The following DNM1L variants were observed in gnomAD, a reference collection of about 807,000 sequenced individuals.
DNM1L encodes dynamin-1-like protein.
A neutral mutation model predicts 92.8 loss-of-function variants in DNM1L; 33 were observed. That is an observed-to-expected ratio of 0.36 (90% CI 0.27 to 0.48). The LOEUF (loss-of-function observed/expected upper bound fraction) is 0.48, where lower values mean the gene tolerates loss of function less well. Ranked by LOEUF, DNM1L falls within the 20% of genes least tolerant of loss-of-function variation. The pLI, the probability that DNM1L is intolerant of heterozygous loss-of-function variation, is 0.99. For missense variants in DNM1L, 485 were observed against 888.8 expected (o/e 0.55, Z 5.78); for synonymous variants, 284 against 305.0 (o/e 0.93, Z 0.72).
At chr12:32,734,970 T>C (rs977829078) in intron 13 of DNM1L, among the ~76,000 whole-genome samples, 1 of 152,166 alleles carries the variant, frequency 6.6e-6, no homozygotes, top group Non-Finnish European at 1.5e-5. Context: ...CAGAAAAAAT[T>C]CCAAAATGCA....
chr12:32,745,079 AC>A lies in DNM1L; in HGVS notation c.*1674del, dbSNP rs1955566937. 1 of 487,766 alleles carries A rather than the reference AC, an allele frequency of 2.1e-6. No homozygotes were observed. The allele number at this position is 487,766 out of a possible 1,614,324, so 30.2% of individuals were successfully genotyped here. On this transcript the variant is annotated 3_prime_UTR_variant, in exon 20 of 20. Transcript: ENST00000549701. ...TCACCAACTGATGTCAAACATAAAA[AC>A]CCCCACATCAGTCTGATACGATATG...
chr12:32,681,608 C>G (rs996882467), intron 1 of DNM1L, among the ~76,000 whole-genome samples: 1 of 149,240 alleles, frequency 6.7e-6, no homozygotes, highest in Non-Finnish European at 1.5e-5. Flanking sequence ...CCCCCCGCCC[C>G]CGCCTTTTTT....
chr12:32,718,750 G>T lies in DNM1L; in HGVS notation c.727G>T (p.Gly243Ter). Residue 243 changes from glycine (G) to a stop codon, truncating the protein, a stop_gained, in exon 7 of 20, where the codon GGA (glycine) becomes TGA (stop). Coordinates refer to ENST00000549701, the MANE Select transcript of DNM1L (RefSeq NM_012062.5). LOFTEE classifies it high-confidence loss of function. ...TATTCCAGTCAAACTTGGAATAATT[G>T]GAGTAGTTAACAGGTTAGCAGTTAG... ...RVIPVKLGII[G>*]VVNRSQLDIN... 1 of 1,613,780 alleles carries T rather than the reference G, an allele frequency of 6.2e-7. No individual in the cohort carries two copies. The highest frequency in any genetic ancestry group is 8.5e-7 in the Non-Finnish European group (1 of 1,179,826).
rs1951713702 is a variant in DNM1L at position 32,679,381 on chromosome 12, T to C, written c.18T>C (p.Pro6=). The stretch of plus-strand genomic sequence containing the variant: ...TCAGAGTCATGGAGGCGCTAATTCC[T>C]GTCATAAACAAGCTCCAGGACGTCT... The part of the protein sequence containing the change: MEALI[P]VINKLQDVFN... Residue 6 remains proline (P), a synonymous_variant, in exon 1 of 20, where the codon CCT becomes CCC. Coordinates refer to ENST00000549701, the MANE Select transcript of DNM1L (RefSeq NM_012062.5). 3 of 1,613,572 alleles carry C rather than the reference T, an allele frequency of 1.9e-6. No homozygotes were observed. In the African/African-American group the frequency reaches 4.0e-5, roughly 22 times the overall value.
At chr12:32,692,124 CTTT>C (rs971985652) in intron 1 of DNM1L, among the ~76,000 whole-genome samples, 11 of 151,964 alleles carry the variant, frequency 7.2e-5, no homozygotes, top group African/African-American at 2.7e-4. Flanking sequence ...ACCATTTTCT[CTTT>C]TTTTCTTTTT....
chr12:32,715,864 T>C (rs890480337), intron 6 of DNM1L, among the ~76,000 whole-genome samples: 4 of 152,210 alleles, frequency 2.6e-5, no homozygotes, highest in Non-Finnish European at 5.9e-5. Context: ...CAGTTTCTTA[T>C]AAAGTTAAAT....
rs978570696 is a variant in DNM1L at position 32,731,222 on chromosome 12, TAC to T, written c.1200+90_1200+91del. 13 of 1,593,730 alleles carry T rather than the reference TAC, an allele frequency of 8.2e-6. No homozygotes were observed. The highest frequency in any genetic ancestry group is 4.5e-5 in the East Asian group (2 of 44,726). On this transcript the variant is annotated intron_variant, in intron 10 of 19. Coordinates refer to ENST00000549701, the MANE Select transcript of DNM1L (RefSeq NM_012062.5). This position sits in a 1 kb window ranked among gnomAD's most constrained non-coding sequence, Gnocchi z 5.1. ...TACTGTGTCTTTTTAAATTTAATTA[TAC>T]AGTTTATTTTGCTCTCATATTTGAA...
At chr12:32,709,961 T>G (rs1953062901) in intron 4 of DNM1L, among the ~76,000 whole-genome samples, 1 of 152,300 alleles carries the variant, frequency 6.6e-6, no homozygotes, top group African/African-American at 2.4e-5. Flanking sequence ...ATTAGAATTT[T>G]CAGTGGGCTA....
intron 16 of DNM1L, among the ~76,000 whole-genome samples, chr12:32,739,545 C>T (rs1454189626): frequency 6.6e-6 from 1 of 152,160 alleles, no homozygotes; most frequent in Non-Finnish European, 1.5e-5. Context: ...TTAAAGAGTT[C>T]TTACTTATAC....
intron 9 of DNM1L, among the ~76,000 whole-genome samples, chr12:32,724,594 ATATATAT>A (rs372737436): frequency 1.7e-3 from 77 of 44,336 alleles, no homozygotes; most frequent in East Asian, 4.7e-3. Context: ...AAAAAAAAAA[ATATATAT>A]ATATATATAT....
intron 19 of DNM1L, among the ~76,000 whole-genome samples, 163 bp downstream of exon 19, chr12:32,742,911 T>C (rs1955410545): frequency 6.9e-6 from 1 of 144,616 alleles, no homozygotes; most frequent in Non-Finnish European, 1.5e-5. Context: ...TTTTTTTTTT[T>C]TTGAGTGGGA....
At chr12:32,728,523 TAA>T (rs1954309560) in intron 9 of DNM1L, 1 of 152,180 alleles carries the variant, frequency 6.6e-6, no homozygotes, top group Non-Finnish European at 1.5e-5. Flanking sequence ...AAACAGTTAA[TAA>T]ACCAATTATC....
intron 1 of DNM1L, 118 bp downstream of exon 1, chr12:32,679,583 G>A: frequency 3.5e-6 from 5 of 1,441,988 alleles, no homozygotes; most frequent in Non-Finnish European, 4.6e-6. Flanking sequence ...TGGGGCCTGT[G>A]GGAGGAGGGC....
intron 1 of DNM1L, among the ~76,000 whole-genome samples, chr12:32,687,238 T>C (rs1435561322): frequency 6.6e-6 from 1 of 152,132 alleles, no homozygotes; most frequent in Non-Finnish European, 1.5e-5. Context: ...TATTTTTTAA[T>C]GTTTTTTCCC....
In DNM1L at chr12:32,742,567, A is replaced by G. The variant is rs375199239; in HGVS notation, c.1995-22A>G. 3.7e-6 allele frequency: 6 copies of G among 1,613,790 alleles called. No individual in the cohort carries two copies. The African/African-American group carries it at 4.0e-5, about 11-fold the overall frequency. ...AAAGTAGAATTTTGGCTAAAATTCC[A>G]TAATTTGGTTGTGTTTTGCAGTGTG... On this transcript the variant is annotated intron_variant, in intron 18 of 19. Coordinates refer to ENST00000549701, the MANE Select transcript of DNM1L (RefSeq NM_012062.5).
Position 32,701,167 on chromosome 12 carries a change from T to G in DNM1L, c.103-248T>G, listed in dbSNP as rs573678307. Among the ~76,000 whole-genome samples the G allele has an allele frequency of 1.1e-3, 172 of 151,962 alleles. 1 individual carries two copies. The highest frequency in any genetic ancestry group is 1.7e-3 in the Non-Finnish European group (115 of 67,952). The stretch of plus-strand genomic sequence containing the variant: ...GGCACACGCCTGTAATCCCAGCTAC[T>G]TGGGAGGTTGAGGCAGGAGAATCGC... On this transcript the variant is annotated intron_variant, in intron 1 of 19. Transcript: ENST00000549701.
In DNM1L at chr12:32,738,305, C is replaced by T. The variant is rs777627397; in HGVS notation, c.1707+9C>T. ...GAAGAGAAACTAAAAATGTGAGTCT[C>T]TTGCTTCAGAATGGAAATGTTGGTA... On this transcript the variant is annotated intron_variant, in intron 16 of 19. Coordinates refer to ENST00000549701, the MANE Select transcript of DNM1L (RefSeq NM_012062.5). 1 of 1,613,536 alleles carries T rather than the reference C, an allele frequency of 6.2e-7. No individual in the cohort carries two copies. Among genetic ancestry groups the T allele is most frequent in the Non-Finnish European group, 8.5e-7 (1 of 1,179,680 alleles).
Position 32,737,168 on chromosome 12 carries a change from A to C in DNM1L, c.1596+7A>C. 1 of 1,613,566 alleles carries C rather than the reference A, an allele frequency of 6.2e-7. No individual in the cohort carries two copies. Among genetic ancestry groups the C allele is most frequent in the Non-Finnish European group, 8.5e-7 (1 of 1,179,784 alleles). ...AGCTGTATCACGAGACAAGGTAAAAAAATGTTTTTAATGCATATTCCCAAT... is the reference window on the plus strand; with the variant it reads ...AGCTGTATCACGAGACAAGGTAAAACAATGTTTTTAATGCATATTCCCAAT... On this transcript the variant is annotated splice_region_variant and intron_variant, in intron 14 of 19. Coordinates refer to ENST00000549701, the MANE Select transcript of DNM1L (RefSeq NM_012062.5).
intron 2 of DNM1L, among the ~76,000 whole-genome samples, chr12:32,701,992 T>C (rs1296540282): frequency 1.3e-5 from 2 of 149,650 alleles, no homozygotes. Context: ...CCTCCCAAAG[T>C]GCTGATCACA....
Sources: gnomAD v4.1 joint callset for allele counts (sites outside exome capture counted in the v4.1 genomes callset) on GRCh38, gnomAD v4.1.1 for gene constraint, Gnocchi (gnomAD v3.1) non-coding constraint, MANE v1.5 for transcripts, NCBI Gene and HGNC (gene_info 2026-07-23, HGNC 2026-07-21) for gene names.